KCNQ5: variants seen among roughly 807,000 people sequenced by gnomAD.
KCNQ5 encodes the protein potassium voltage-gated channel subfamily KQT member 5.
Under a neutral mutation model 98.2 loss-of-function variants are expected in KCNQ5, and 30 were observed. The observed-to-expected ratio is 0.31, with a 90% confidence interval of 0.23 to 0.41. KCNQ5 has a LOEUF of 0.41. Among genes scored for constraint, KCNQ5 ranks in the 10% least tolerant of loss-of-function variants. The pLI, the probability that KCNQ5 is intolerant of heterozygous loss-of-function variation, is 1.00. For missense variants in KCNQ5, 835 were observed against 1,182.5 expected (o/e 0.71, Z 4.31); for synonymous variants, 458 against 449.4 (o/e 1.02, Z -0.24).
chr6:73,079,039 C>T (rs1479132519), intron 5 of KCNQ5, among the ~76,000 whole-genome samples: 2 of 152,134 alleles, frequency 1.3e-5, no homozygotes, highest in Admixed American at 1.3e-4. Flanking sequence ...TGGTGGCTCA[C>T]GCCTGTAATC....
chr6:72,695,088 C>T (rs1385182059), intron 1 of KCNQ5, among the ~76,000 whole-genome samples: 1 of 152,054 alleles, frequency 6.6e-6, no homozygotes, highest in East Asian at 1.9e-4. Flanking sequence ...TATACATATA[C>T]CACATTTTCT....
chr6:72,900,462 AT>A (rs1779446779), intron 1 of KCNQ5, among the ~76,000 whole-genome samples: 1 of 141,252 alleles, frequency 7.1e-6, no homozygotes, highest in South Asian at 2.1e-4. Context: ...TATATGATTT[AT>A]TTTATATATA....
chr6:72,778,609 CA>C (rs58473368), intron 1 of KCNQ5, among the ~76,000 whole-genome samples: 83,422 of 150,686 alleles, frequency 0.55, 23,230 homozygotes, highest in Middle Eastern at 0.62. Flanking sequence ...ATTCCCACCA[CA>C]AAAAAAAAGG....
chr6:72,753,957 C>T (rs928534667), intron 1 of KCNQ5, among the ~76,000 whole-genome samples: 28 of 151,664 alleles, frequency 1.8e-4, no homozygotes, highest in African/African-American at 6.5e-4. Flanking sequence ...CATAGACAAT[C>T]ATGTGGTCTC....
intron 1 of KCNQ5, among the ~76,000 whole-genome samples, chr6:72,710,265 C>T (rs1264852710): frequency 6.6e-6 from 1 of 152,132 alleles, no homozygotes; most frequent in Non-Finnish European, 1.5e-5. Context: ...TTATTTAACT[C>T]TCAATGTAGC....
At chr6:72,660,871 CTG>C (rs1491175389) in intron 1 of KCNQ5, among the ~76,000 whole-genome samples, 1 of 152,064 alleles carries the variant, frequency 6.6e-6, no homozygotes, top group African/African-American at 2.4e-5. Context: ...TGAAGTGGTA[CTG>C]TGTTTTATCA....
At chr6:72,985,302 T>C (rs1160653198) in intron 1 of KCNQ5, among the ~76,000 whole-genome samples, 1 of 152,266 alleles carries the variant, frequency 6.6e-6, no homozygotes, top group Non-Finnish European at 1.5e-5. Context: ...TTTTACTCTG[T>C]GTTTTTAAAT....
At chr6:72,825,234 A>G (rs1490774703) in intron 1 of KCNQ5, among the ~76,000 whole-genome samples, 5 of 152,098 alleles carry the variant, frequency 3.3e-5, no homozygotes, top group African/African-American at 9.7e-5. Flanking sequence ...AAAGAGAGCA[A>G]CATCCACTCA....
chr6:73,005,156 G>C (rs948805227), intron 2 of KCNQ5, among the ~76,000 whole-genome samples: 1 of 152,132 alleles, frequency 6.6e-6, no homozygotes, highest in Admixed American at 6.6e-5. Flanking sequence ...GCAGCATATT[G>C]CTCATGTTAA....
At chr6:73,093,217 T>G (rs1774329385) in intron 5 of KCNQ5, among the ~76,000 whole-genome samples, 2 of 152,210 alleles carry the variant, frequency 1.3e-5, no homozygotes, top group Admixed American at 1.3e-4. Context: ...TAGCCTTGAA[T>G]GATCTTTTGT....
At chr6:72,941,707 TC>T (rs1766319252) in intron 1 of KCNQ5, among the ~76,000 whole-genome samples, 3 of 20,112 alleles carry the variant, frequency 1.5e-4, no homozygotes, top group Non-Finnish European at 3.1e-4. Context: ...TTTCTTTCTT[TC>T]TTTCTTTCTT....
chr6:72,955,974 A>C (rs1220172078), intron 1 of KCNQ5, among the ~76,000 whole-genome samples: 1 of 152,176 alleles, frequency 6.6e-6, no homozygotes, highest in Non-Finnish European at 1.5e-5. Flanking sequence ...AAATAAGGCC[A>C]ACCTTAAAAT....
chr6:73,090,682 A>C (rs977173203), intron 5 of KCNQ5, among the ~76,000 whole-genome samples: 1 of 152,162 alleles, frequency 6.6e-6, no homozygotes, highest in African/African-American at 2.4e-5. Context: ...TTCGCTTCTC[A>C]AAAGAAGACA....
At chr6:72,969,889 G>A (rs558276367) in intron 1 of KCNQ5, among the ~76,000 whole-genome samples, 1 of 152,276 alleles carries the variant, frequency 6.6e-6, no homozygotes, top group East Asian at 1.9e-4. Flanking sequence ...CTGGTTATCT[G>A]ATGTCAACTT....
In KCNQ5 at chr6:73,195,516, G is replaced by A. The variant is rs953514769; in HGVS notation, c.*102G>A. ...TAAAAAGTTGAAATTGCAAGAATCG[G>A]GAAGAACATGAAAGGCAGTTTATAA... On this transcript the variant is annotated 3_prime_UTR_variant, in exon 14 of 14. Coordinates refer to ENST00000370398, the MANE Select transcript of KCNQ5 (RefSeq NM_019842.4). 1.4e-6 allele frequency: 2 copies of A among 1,420,606 alleles called. No homozygotes were observed. Among genetic ancestry groups the A allele is most frequent in the Non-Finnish European group, 1.9e-6 (2 of 1,055,086 alleles). 88.0% of individuals were successfully genotyped at this position (1,420,606 alleles called of 1,614,324 possible). A position where few individuals can be genotyped will look rare whatever the true frequency, so the allele number is the denominator to read the frequency against.
intron 1 of KCNQ5, among the ~76,000 whole-genome samples, chr6:72,956,967 C>T (rs1243872048): frequency 6.6e-6 from 1 of 152,056 alleles, no homozygotes; most frequent in Non-Finnish European, 1.5e-5. Context: ...TGGATGAAAA[C>T]AGATGTTTAG....
intron 1 of KCNQ5, among the ~76,000 whole-genome samples, chr6:72,748,686 G>A (rs78226006): frequency 0.012 from 1,765 of 152,188 alleles, 24 homozygotes; most frequent in African/African-American, 0.039. Flanking sequence ...ACTAAATCAG[G>A]CAGTTGTTCC....
intron 3 of KCNQ5, among the ~76,000 whole-genome samples, chr6:73,062,282 A>G (rs1167110440): frequency 1.3e-5 from 2 of 152,196 alleles, no homozygotes; most frequent in Non-Finnish European, 2.9e-5. Context: ...TTCTTCTGTC[A>G]TAATATTCAT....
intron 5 of KCNQ5, among the ~76,000 whole-genome samples, chr6:73,104,147 A>G (rs1439824229): frequency 6.6e-6 from 1 of 152,164 alleles, no homozygotes; most frequent in African/African-American, 2.4e-5. Context: ...CCAAATAAGA[A>G]AGGAAGAAAG....
Sources: allele counts gnomAD v4.1 joint callset (sites outside exome capture counted in the v4.1 genomes callset), GRCh38; gene constraint gnomAD v4.1.1; transcripts MANE v1.5; gene names NCBI Gene and HGNC (gene_info 2026-07-23, HGNC 2026-07-21).